Variants in ATF1 observed in about 807,000 individuals in gnomAD.
The protein encoded by ATF1 is cyclic AMP-dependent transcription factor ATF-1.
In ATF1, 16 loss-of-function variants were observed where a neutral mutation model predicts 34.7. The observed-to-expected ratio is 0.46, with a 90% CI of 0.31 to 0.70. The LOEUF is 0.70. Among genes scored for constraint, ATF1 ranks in the 30% least tolerant of loss-of-function variants. ATF1 has a pLI of 0.05. For missense variants in ATF1, 255 were observed against 321.6 expected (o/e 0.79, Z 1.58); for synonymous variants, 105 against 113.1 (o/e 0.93, Z 0.46).
intron 3 of ATF1, among the ~76,000 whole-genome samples, chr12:50,797,563 C>T (rs1361926336): frequency 6.6e-6 from 1 of 152,160 alleles, no homozygotes; most frequent in Non-Finnish European, 1.5e-5. Flanking sequence ...ACTGCAGCCT[C>T]AACCTCCTGG....
intron 2 of ATF1, among the ~76,000 whole-genome samples, chr12:50,792,030 T>C (rs1941312536): frequency 6.6e-6 from 1 of 152,186 alleles, no homozygotes; most frequent in Non-Finnish European, 1.5e-5. Context: ...TGCTAAAGAT[T>C]CTCCATGTTT....
chr12:50,785,595 A>G (rs1357439949), intron 2 of ATF1, among the ~76,000 whole-genome samples: 2 of 152,174 alleles, frequency 1.3e-5, no homozygotes, highest in African/African-American at 2.4e-5. Flanking sequence ...GCGGTCTCAC[A>G]CCAAACTGCA....
intron 1 of ATF1, among the ~76,000 whole-genome samples, chr12:50,766,992 A>G (rs1940652656): frequency 6.6e-6 from 1 of 152,138 alleles, no homozygotes; most frequent in African/African-American, 2.4e-5. Context: ...CGGAGTGGCT[A>G]ATGTCTTTGT....
chr12:50,772,606 G>A (rs1176848869), intron 1 of ATF1, among the ~76,000 whole-genome samples: 1 of 152,146 alleles, frequency 6.6e-6, no homozygotes, highest in Non-Finnish European at 1.5e-5. Context: ...GATTACAGGT[G>A]TGACCCACTG....
intron 6 of ATF1, among the ~76,000 whole-genome samples, chr12:50,815,554 T>TG (rs1275297517): frequency 1.8e-4 from 26 of 148,414 alleles, no homozygotes; most frequent in African/African-American, 6.2e-4. Context: ...CCCAGCTAAT[T>TG]TTTTTTTTTT....
intron 1 of ATF1, among the ~76,000 whole-genome samples, chr12:50,765,033 G>A (rs1168871512): frequency 6.6e-6 from 1 of 152,190 alleles, no homozygotes; most frequent in Non-Finnish European, 1.5e-5. Context: ...CACTTTGATC[G>A]ACGCCGTGCA....
chr12:50,767,760 A>G (rs1301034706), intron 1 of ATF1, among the ~76,000 whole-genome samples: 1 of 152,216 alleles, frequency 6.6e-6, no homozygotes, highest in Non-Finnish European at 1.5e-5. Flanking sequence ...TCTAAAAATA[A>G]TATTAAATAG....
upstream of ATF1, chr12:50,763,625 A>C (rs1365611854): frequency 6.7e-6 from 1 of 149,774 alleles, no homozygotes; most frequent in Admixed American, 6.8e-5. Flanking sequence ...CGGAAAAAAA[A>C]AAGAGACTCC....
chr12:50,803,037 G>A (rs1941544873), intron 3 of ATF1, among the ~76,000 whole-genome samples: 1 of 151,582 alleles, frequency 6.6e-6, no homozygotes, highest in Non-Finnish European at 1.5e-5. Context: ...AAGGTGGGTG[G>A]ATCACCTGAA....
chr12:50,807,887 G>A (rs1386988012), intron 3 of ATF1, among the ~76,000 whole-genome samples: 1 of 146,528 alleles, frequency 6.8e-6, no homozygotes, highest in Non-Finnish European at 1.5e-5. Context: ...TCCACTCATT[G>A]GAGCCTCCAC....
At position 50,764,236 on chromosome 12, in the gene ATF1, G is replaced by A. The variant is rs987573982; in HGVS notation, c.-78G>A. ...GCGTGAGGGGGTGGGGAAGTGGGTA[G>A]TGAATTCGGATCTACCTGGGAGGGG... is the stretch of plus-strand genomic sequence containing the variant. On this transcript the variant is annotated 5_prime_UTR_variant, in exon 1 of 7. In the 5' UTR this introduces an upstream ATG that the reference lacks. Coordinates refer to ENST00000262053, the MANE Select transcript of ATF1 (RefSeq NM_005171.5). 3.9e-5 allele frequency: 6 copies of A among 152,016 alleles called. No homozygotes were observed. The highest frequency in any genetic ancestry group is 2.0e-4 in the Admixed American group (3 of 15,284). The allele number at this position is 152,016 out of a possible 1,614,324, so 9.4% of individuals were successfully genotyped here.
chr12:50,813,945 T>C, intron 4 of ATF1, 65 bp from the exon 5 acceptor site: 5 of 1,479,828 alleles, frequency 3.4e-6, no homozygotes, highest in Non-Finnish European at 4.6e-6. Context: ...GTGGGCTTTT[T>C]GCCACTCCTT....
chr12:50,802,012 A>G (rs1223332480), intron 3 of ATF1, among the ~76,000 whole-genome samples: 1 of 152,224 alleles, frequency 6.6e-6, no homozygotes. Flanking sequence ...AAAATCCTAA[A>G]GAATTATTAA....
intron 1 of ATF1, chr12:50,775,727 T>G (rs1315208791): frequency 6.6e-6 from 1 of 152,238 alleles, no homozygotes; most frequent in Non-Finnish European, 1.5e-5. Context: ...TTTTATAGTT[T>G]CAGTGCTTTA....
chr12:50,763,532 T>A (rs573957587), upstream of ATF1, among the ~76,000 whole-genome samples: 1 of 149,500 alleles, frequency 6.7e-6, no homozygotes, highest in Non-Finnish European at 1.5e-5. Flanking sequence ...GGAGAATCGC[T>A]TGAATCCCGG....
chr12:50,764,615 C>T (rs868335476), intron 1 of ATF1: 61 of 152,380 alleles, frequency 4.0e-4, no homozygotes, highest in African/African-American at 1.3e-3. Flanking sequence ...CCTTTGCAGT[C>T]GCAGGCGCTA....
chr12:50,778,380 C>T (rs768340870), intron 1 of ATF1, among the ~76,000 whole-genome samples: 5 of 151,678 alleles, frequency 3.3e-5, no homozygotes, highest in Middle Eastern at 3.4e-3. Context: ...CACCTGCCCC[C>T]GTGCCGAGCT....
rs114027609 is a variant in ATF1 at position 50,802,814 on chromosome 12, G to A, written c.195-6642G>A. On this transcript the variant is annotated intron_variant, in intron 3 of 6. Coordinates refer to ENST00000262053, the MANE Select transcript of ATF1 (RefSeq NM_005171.5). ...TTGAACCCAGAAGGCAGAGTTTGCA[G>A]TGAACTGAGAATGCACCACTGTACT... Among the ~76,000 whole-genome samples the A allele has an allele frequency of 7.8e-3, 975 of 124,836 alleles. 8 individuals are homozygous for A. Among genetic ancestry groups the A allele is most frequent in the African/African-American group, 0.028 (895 of 32,178 alleles). The allele number at this position is 124,836 out of a possible 152,430, so 81.9% of individuals were successfully genotyped here. A position where few individuals can be genotyped will look rare whatever the true frequency, so the allele number is the denominator to read the frequency against.
intron 6 of ATF1, among the ~76,000 whole-genome samples, chr12:50,814,762 T>C (rs539160434): frequency 1.6e-4 from 25 of 152,224 alleles, no homozygotes; most frequent in African/African-American, 5.5e-4. Flanking sequence ...AGTTAATATG[T>C]TACTGGTTTA....
Sources: allele counts gnomAD v4.1 joint callset (sites outside exome capture counted in the v4.1 genomes callset), GRCh38; gene constraint gnomAD v4.1.1; transcripts MANE v1.5; gene names NCBI Gene and HGNC (gene_info 2026-07-23, HGNC 2026-07-21).